The following ARFIP2 variants were observed in gnomAD, a reference collection of about 807,000 sequenced individuals.
ARFIP2 encodes the protein arfaptin-2.
Under a neutral mutation model 39.2 loss-of-function variants are expected in ARFIP2, and 14 were observed. The observed-to-expected ratio is 0.36, with a 90% CI of 0.24 to 0.56. The LOEUF is 0.56. Among genes scored for constraint, ARFIP2 ranks in the 20% least tolerant of loss-of-function variants. The probability of loss-of-function intolerance (pLI) is 0.85; values close to 1 mark genes in which losing one functional copy is unlikely to be tolerated. For missense variants in ARFIP2, 305 were observed against 422.5 expected, an observed-to-expected ratio of 0.72 and a Z score of 2.44; for synonymous variants, 167 against 172.4, an observed-to-expected ratio of 0.97 and a Z score of 0.24.
chr11:6,477,947 C>A lies in ARFIP2; in HGVS notation c.696-55G>T, dbSNP rs1419863570. On this transcript the variant is annotated intron_variant, in intron 6 of 7. Transcript: ENST00000396777. The surrounding 1 kb of genome is among the most constrained non-coding windows in gnomAD (Gnocchi z 4.8). ...CACTCCTTTATCCTCAACACATACTCTCCTTTCCTTCCTGAATTCTTATGC... is the reference window on the plus strand; with the variant it reads ...CACTCCTTTATCCTCAACACATACTATCCTTTCCTTCCTGAATTCTTATGC... 6.2e-7 allele frequency: 1 copy of A among 1,605,410 alleles called. No homozygotes were observed. The highest frequency in any genetic ancestry group is 1.7e-5 in the Admixed American group (1 of 59,536).
At position 6,477,955 on chromosome 11, in the gene ARFIP2, C is replaced by T; in HGVS notation, c.696-63G>A. On this transcript the variant is annotated intron_variant, in intron 6 of 7. Transcript: ENST00000396777. The surrounding 1 kb of genome is among the most constrained non-coding windows in gnomAD (Gnocchi z 4.8). ...TATCCTCAACACATACTCTCCTTTC[C>T]TTCCTGAATTCTTATGCCCCTAATG... 8 of 1,604,400 alleles carry T rather than the reference C, an allele frequency of 5.0e-6. No homozygotes were observed. The highest frequency in any genetic ancestry group is 6.8e-6 in the Non-Finnish European group (8 of 1,173,094).
intron 3 of ARFIP2, 120 bp downstream of exon 3, chr11:6,479,852 C>G (rs1376234835): frequency 1.2e-5 from 12 of 1,002,448 alleles, no homozygotes; most frequent in Admixed American, 3.9e-5. Context: ...GAGGTTCCTA[C>G]AAGCAGAAGT....
At position 6,477,703 on chromosome 11, in the gene ARFIP2, G is replaced by A. The variant is rs772607719; in HGVS notation, c.870+15C>T. ...ATGGAAAGGTGGGCTAGGGTCAAGG[G>A]GGTGGGGTTGGCACCTTGTTTTCTT... is the stretch of plus-strand genomic sequence containing the variant. On this transcript the variant is annotated intron_variant, in intron 7 of 7. Transcript: ENST00000396777. The surrounding 1 kb of genome is among the most constrained non-coding windows in gnomAD (Gnocchi z 4.8). 3.1e-6 allele frequency: 5 copies of A among 1,612,832 alleles called. No individual in the cohort carries two copies. The Admixed American group carries it at 5.0e-5, about 16-fold the overall frequency.
chr11:6,479,376 A>T, intron 3 of ARFIP2, 118 bp from the exon 4 acceptor site: 2 of 1,598,330 alleles, frequency 1.3e-6, no homozygotes, highest in Non-Finnish European at 1.7e-6. Flanking sequence ...GATGCTAGAG[A>T]CAACTGGATG....
chr11:6,481,276 C>A lies in ARFIP2; in HGVS notation c.-88G>T, dbSNP rs1422634149. On this transcript the variant is annotated 5_prime_UTR_variant, in exon 1 of 8. Coordinates refer to ENST00000396777, the MANE Select transcript of ARFIP2 (RefSeq NM_001376558.2). ...CCCTCAGGGCGCCAGGCCCGGGCCG[C>A]GCGGGGACCTCGGGCTCCAGTTCCC... The A allele has an allele frequency of 1.6e-6, 1 of 632,906 alleles. No individual in the cohort carries two copies. Among genetic ancestry groups the A allele is most frequent in the African/African-American group, 1.8e-5 (1 of 54,272 alleles). The allele number at this position is 632,906 out of a possible 1,614,324, so 39.2% of individuals were successfully genotyped here. A position where few individuals can be genotyped will look rare whatever the true frequency, so the allele number is the denominator to read the frequency against.
chr11:6,478,864 C>T lies in ARFIP2; in HGVS notation c.411G>A (p.Lys137=), dbSNP rs767077480. The T allele has an allele frequency of 3.1e-6, 5 of 1,614,092 alleles. No individual in the cohort carries two copies. The highest frequency in any genetic ancestry group is 4.2e-6 in the Non-Finnish European group (5 of 1,180,038). Residue 137 remains lysine, a synonymous_variant, in exon 5 of 8, where the codon AAG becomes AAA. Coordinates refer to ENST00000396777, the MANE Select transcript of ARFIP2 (RefSeq NM_001376558.2). This position sits in a 1 kb window ranked among gnomAD's most constrained non-coding sequence, Gnocchi z 4.8. ...ELQIELLRET[K]RKYESVLQLG... ...GCTGCAGGACACTCTCATACTTGCG[C>T]TTCGTCTCACGCAGCAACTCAATCT...
At position 6,477,221 on chromosome 11, in the gene ARFIP2, G is replaced by A. The variant is rs532928941; in HGVS notation, c.918C>T (p.Ser306=). The A allele has an allele frequency of 3.1e-6, 5 of 1,613,656 alleles. No individual in the cohort carries two copies. The highest frequency in any genetic ancestry group is 2.2e-5 in the East Asian group (1 of 44,878). The change falls in exon 8 of 8, where the codon TCC becomes TCT. Residue 306 remains serine, a synonymous_variant. Transcript: ENST00000396777. The surrounding 1 kb of genome is among the most constrained non-coding windows in gnomAD (Gnocchi z 4.8). ...GTTTCTGGTTCCCAGCAAAGTAGGC[G>A]GACACAGCATTGTGGAAGAGCAGCA... ...KQLLLFHNAV[S]AYFAGNQKQL...
In ARFIP2 at chr11:6,477,601, A is replaced by G. The variant is rs1851217880; in HGVS notation, c.870+117T>C. 1.7e-6 allele frequency: 2 copies of G among 1,202,008 alleles called. No homozygotes were observed. Among genetic ancestry groups the G allele is most frequent in the African/African-American group, 1.5e-5 (1 of 65,738 alleles). 74.5% of individuals were successfully genotyped at this position (1,202,008 alleles called of 1,614,324 possible). On this transcript the variant is annotated intron_variant, in intron 7 of 7. Transcript: ENST00000396777. The surrounding 1 kb of genome is among the most constrained non-coding windows in gnomAD (Gnocchi z 4.8). ...GAAAGGCCCAGGGGTTGAGGGGGTG[A>G]ACACTCTACTCCCCAGCTAGGCTGC...
At position 6,477,941 on chromosome 11, in the gene ARFIP2, C is replaced by T. The variant is rs377571127; in HGVS notation, c.696-49G>A. On this transcript the variant is annotated intron_variant, in intron 6 of 7. Transcript: ENST00000396777. This position sits in a 1 kb window ranked among gnomAD's most constrained non-coding sequence, Gnocchi z 4.8. Reference sequence around the variant, plus strand: ...GGTCTCCACTCCTTTATCCTCAACACATACTCTCCTTTCCTTCCTGAATTC... The same window carrying T: ...GGTCTCCACTCCTTTATCCTCAACATATACTCTCCTTTCCTTCCTGAATTC... 6.2e-7 allele frequency: 1 copy of T among 1,607,224 alleles called. No individual in the cohort carries two copies. The highest frequency in any genetic ancestry group is 1.1e-5 in the South Asian group (1 of 90,660).
chr11:6,481,127 T>A, intron 1 of ARFIP2, 104 bp downstream of exon 1: 28 of 335,742 alleles, frequency 8.3e-5, no homozygotes, highest in Non-Finnish European at 9.0e-5. Flanking sequence ...CCCATACACC[T>A]GGACATCAGG....
rs1329933578 is a variant in ARFIP2, at chr11:6,479,272, T to C, written c.197-14A>G. 6.2e-7 allele frequency: 1 copy of C among 1,614,004 alleles called. No individual in the cohort carries two copies. Among genetic ancestry groups the C allele is most frequent in the Admixed American group, 1.7e-5 (1 of 60,018 alleles). ...GGCGGCCAGACCCTAAAGGATCAAGTTCTCTGACACCAGCCTCTCTCAGAT... is the reference window on the plus strand; with the variant it reads ...GGCGGCCAGACCCTAAAGGATCAAGCTCTCTGACACCAGCCTCTCTCAGAT... On this transcript the variant is annotated splice_polypyrimidine_tract_variant and intron_variant, in intron 3 of 7. Transcript: ENST00000396777.
At chr11:6,480,216 G>T in intron 2 of ARFIP2, 107 bp downstream of exon 2, 1 of 1,294,400 alleles carries the variant, frequency 7.7e-7, no homozygotes, top group South Asian at 1.2e-5. Flanking sequence ...AAAGAATGAA[G>T]GGAGTCAGAT....
chr11:6,477,593 A>AG lies in ARFIP2; in HGVS notation c.870+124dup. 1 of 1,106,810 alleles carries AG rather than the reference A, an allele frequency of 9.0e-7. No individual in the cohort carries two copies. The highest frequency in any genetic ancestry group is 1.3e-6 in the Non-Finnish European group (1 of 785,656). The allele number at this position is 1,106,810 out of a possible 1,614,324, so 68.6% of individuals were successfully genotyped here. A position where few individuals can be genotyped will look rare whatever the true frequency, so the allele number is the denominator to read the frequency against. ...GTGATCTGGAAAGGCCCAGGGGTTG[A>AG]GGGGGTGAACACTCTACTCCCCAGC... On this transcript the variant is annotated intron_variant, in intron 7 of 7. Transcript: ENST00000396777. The surrounding 1 kb of genome is among the most constrained non-coding windows in gnomAD (Gnocchi z 4.8).
chr11:6,477,305 G>T lies in ARFIP2; in HGVS notation c.871-37C>A, dbSNP rs1358355568. On this transcript the variant is annotated intron_variant, in intron 7 of 7. Coordinates refer to ENST00000396777, the MANE Select transcript of ARFIP2 (RefSeq NM_001376558.2). This position sits in a 1 kb window ranked among gnomAD's most constrained non-coding sequence, Gnocchi z 4.8. The stretch of plus-strand genomic sequence containing the variant: ...GCAGGGTCAGCTAAGGCTGGACTCA[G>T]GCGCCCTTCTTGAGGGTCTATGAGC... 1 of 1,599,150 alleles carries T rather than the reference G, an allele frequency of 6.3e-7. No individual in the cohort carries two copies.
Position 6,478,507 on chromosome 11 carries a change from G to C in ARFIP2, c.537+231C>G. The C allele has an allele frequency of 7.4e-7, 1 of 1,350,986 alleles. No individual in the cohort carries two copies. Among genetic ancestry groups the C allele is most frequent in the Non-Finnish European group, 9.8e-7 (1 of 1,022,816 alleles). The allele number at this position is 1,350,986 out of a possible 1,614,324, so 83.7% of individuals were successfully genotyped here. On this transcript the variant is annotated intron_variant, in intron 5 of 7. Coordinates refer to ENST00000396777, the MANE Select transcript of ARFIP2 (RefSeq NM_001376558.2). The surrounding 1 kb of genome is among the most constrained non-coding windows in gnomAD (Gnocchi z 4.8). ...ACGAAGGCATTCTCCCCAGTGCAGA[G>C]AGGGGTTATTTGTGAGGCACCTAGT... is the stretch of plus-strand genomic sequence containing the variant.
chr11:6,480,554 G>C, intron 1 of ARFIP2, 91 bp from the exon 2 acceptor site: 1 of 661,834 alleles, frequency 1.5e-6, no homozygotes, highest in Non-Finnish European at 2.5e-6. Context: ...CTGTCCCAGG[G>C]TTTGAGTGTC....
intron 3 of ARFIP2, 139 bp downstream of exon 3, chr11:6,479,831 GGA>G (rs1851526627): frequency 2.4e-6 from 2 of 818,546 alleles, no homozygotes; most frequent in African/African-American, 1.7e-5. Flanking sequence ...TTTGGGCTGA[GGA>G]GAGTCCATGA....
At chr11:6,479,038 G>A (rs2088237542) in intron 4 of ARFIP2, 79 bp from the exon 5 acceptor site, 2 of 1,579,586 alleles carry the variant, frequency 1.3e-6, no homozygotes, top group Admixed American at 3.4e-5. Context: ...GCACCCCCCA[G>A]GCTCCTACTC....
At chr11:6,479,891 T>C in intron 3 of ARFIP2, 81 bp downstream of exon 3, 2 of 1,370,498 alleles carry the variant, frequency 1.5e-6, no homozygotes, top group Non-Finnish European at 2.1e-6. Context: ...TAATTCAAGC[T>C]TTCCTAGACA....
Sources: allele counts gnomAD v4.1 joint callset, GRCh38; gene constraint gnomAD v4.1.1; non-coding constraint Gnocchi (gnomAD v3.1); transcripts MANE v1.5; gene names NCBI Gene and HGNC (gene_info 2026-07-23, HGNC 2026-07-21).